FRMPD2: variants seen among roughly 807,000 people sequenced by gnomAD.
FRMPD2 encodes FERM and PDZ domain-containing protein 2.
A neutral mutation model predicts 140.1 loss-of-function variants in FRMPD2; 96 were observed. The ratio of observed to expected loss-of-function variants is 0.69; its 90% CI spans 0.58 to 0.81. The LOEUF is 0.81. Ranked by LOEUF, FRMPD2 falls within the 40% of genes least tolerant of loss-of-function variation. The pLI is 0.00. For synonymous variants in FRMPD2, 449 were observed against 547.6 expected, an observed-to-expected ratio of 0.82 and a Z score of 2.52; for missense variants, 1,240 against 1,447.4, an observed-to-expected ratio of 0.86 and a Z score of 2.32.
chr10:48,182,352 G>A (rs1019436193), intron 20 of FRMPD2, among the ~76,000 whole-genome samples: 7 of 152,184 alleles, frequency 4.6e-5, no homozygotes, highest in Non-Finnish European at 7.4e-5. Flanking sequence ...AAACCATGCT[G>A]CAACTGGTGT....
At position 48,240,409 on chromosome 10, in the gene FRMPD2, G is replaced by A; in HGVS notation, c.651C>T (p.Ser217=). 6.2e-7 allele frequency: 1 copy of A among 1,613,462 alleles called. No individual in the cohort carries two copies. Among genetic ancestry groups the A allele is most frequent in the Non-Finnish European group, 8.5e-7 (1 of 1,180,042 alleles). ...YLLRKRLRGT[S]SESPAAQAPE... ...GGGCCTGTGCCGCTGGGCTCTCGCT[G>A]CTTGTCCCACGCAGCCTCTTCCTGA... The change falls in exon 6 of 29, where the codon AGC becomes AGT. Residue 217 remains serine, a synonymous_variant. Coordinates refer to ENST00000374201, the MANE Select transcript of FRMPD2 (RefSeq NM_001018071.4).
At chr10:48,168,147 C>T (rs1390918879) in intron 27 of FRMPD2, among the ~76,000 whole-genome samples, 9 of 143,024 alleles carry the variant, frequency 6.3e-5, no homozygotes, top group Non-Finnish European at 1.2e-4. Context: ...GGTAAAAATC[C>T]CTATTTTCCT....
intron 15 of FRMPD2, among the ~76,000 whole-genome samples, chr10:48,197,865 A>G (rs1838989067): frequency 6.6e-6 from 1 of 152,170 alleles, no homozygotes; most frequent in African/African-American, 2.4e-5. Context: ...GGCTAGGCCC[A>G]CCACCAAGCA....
chr10:48,251,802 C>A (rs954160559), intron 1 of FRMPD2, 111 bp from the exon 2 acceptor site: 6 of 1,292,256 alleles, frequency 4.6e-6, no homozygotes, highest in African/African-American at 4.4e-5. Context: ...TACTGCACAC[C>A]GGCACTGTGT....
chr10:48,201,210 A>C lies in FRMPD2; in HGVS notation c.1954+18T>G, dbSNP rs929675291. ...CAAACTTGTCAAAGTGTATATGGAGAATACAGCTTCTACTCACCAAATAAA... is the reference window on the plus strand; with the variant it reads ...CAAACTTGTCAAAGTGTATATGGAGCATACAGCTTCTACTCACCAAATAAA... On this transcript the variant is annotated intron_variant, in intron 15 of 28. Transcript: ENST00000374201. The C allele has an allele frequency of 1.9e-6, 3 of 1,581,860 alleles. No homozygotes were observed. The highest frequency in any genetic ancestry group is 3.4e-4 in the Middle Eastern group (2 of 5,914).
chr10:48,242,762 C>G (rs1210726005), intron 4 of FRMPD2, among the ~76,000 whole-genome samples: 1 of 152,232 alleles, frequency 6.6e-6, no homozygotes, highest in Non-Finnish European at 1.5e-5. Flanking sequence ...CTCACTTGGC[C>G]TTTCCCCTGG....
intron 12 of FRMPD2, among the ~76,000 whole-genome samples, chr10:48,217,180 T>C (rs1471803965): frequency 6.6e-6 from 1 of 152,240 alleles, no homozygotes; most frequent in Non-Finnish European, 1.5e-5. Context: ...CTGTAGTGTC[T>C]TCCAGTCCGG....
chr10:48,205,724 G>C (rs1839185871), intron 14 of FRMPD2, among the ~76,000 whole-genome samples: 1 of 152,046 alleles, frequency 6.6e-6, no homozygotes, highest in Non-Finnish European at 1.5e-5. Flanking sequence ...CAGACCACTT[G>C]AATAAACTCA....
At chr10:48,174,110 C>T (rs1554791906) in intron 24 of FRMPD2, among the ~76,000 whole-genome samples, 4 of 152,168 alleles carry the variant, frequency 2.6e-5, no homozygotes, top group East Asian at 3.9e-4. Context: ...ACCAGAAAAC[C>T]GCTTTGGGAA....
chr10:48,199,713 A>G (rs966728505), intron 15 of FRMPD2: 2 of 152,206 alleles, frequency 1.3e-5, no homozygotes, highest in African/African-American at 4.8e-5. Context: ...ATTAAGAGTG[A>G]TACAGCAGAC....
intron 1 of FRMPD2, among the ~76,000 whole-genome samples, chr10:48,272,065 G>A (rs1387874996): frequency 6.6e-6 from 1 of 152,210 alleles, no homozygotes; most frequent in Non-Finnish European, 1.5e-5. Flanking sequence ...ATTGTCCTGG[G>A]CTGCACACCG....
chr10:48,207,021 T>C, intron 13 of FRMPD2, 88 bp from the exon 14 acceptor site: 11 of 1,117,882 alleles, frequency 9.8e-6, no homozygotes, highest in Non-Finnish European at 8.8e-6. Flanking sequence ...CAAAACACAC[T>C]GATAGGCGTT....
chr10:48,204,603 TTAA>T (rs746229498), intron 14 of FRMPD2, among the ~76,000 whole-genome samples: 11 of 152,252 alleles, frequency 7.2e-5, no homozygotes, highest in Non-Finnish European at 7.3e-5. Flanking sequence ...TGTCAGGAAG[TTAA>T]TAAAAATATT....
intron 5 of FRMPD2, 142 bp downstream of exon 5, chr10:48,242,019 C>T (rs980990260): frequency 2.6e-5 from 15 of 586,434 alleles, no homozygotes; most frequent in African/African-American, 1.3e-4. Context: ...CGAGTGGCAA[C>T]GGAGCACTTG....
rs765599878 is a variant in FRMPD2, at chr10:48,201,241, G to T, written c.1941C>A (p.Ser647=). 1.2e-6 allele frequency: 2 copies of T among 1,606,088 alleles called. No individual in the cohort carries two copies. Among genetic ancestry groups the T allele is most frequent in the Non-Finnish European group, 1.7e-6 (2 of 1,176,030 alleles). Residue 647 remains serine, a synonymous_variant, in exon 15 of 29, where the codon TCC becomes TCA. Coordinates refer to ENST00000374201, the MANE Select transcript of FRMPD2 (RefSeq NM_001018071.4). ...GCTTCTACTCACCAAATAAAACATGGGAAGGCTGCCCAGAGCCCATCTGTG... is the reference window on the plus strand; with the variant it reads ...GCTTCTACTCACCAAATAAAACATGTGAAGGCTGCCCAGAGCCCATCTGTG... ...FNAQMGSGQP[S]HVLFDHDKFV...
intron 10 of FRMPD2, among the ~76,000 whole-genome samples, chr10:48,227,584 G>A (rs1249477206): frequency 6.6e-6 from 1 of 152,146 alleles, no homozygotes; most frequent in East Asian, 1.9e-4. Flanking sequence ...CGCTCTTTTT[G>A]TGGAAGCCTC....
intron 11 of FRMPD2, among the ~76,000 whole-genome samples, chr10:48,222,803 C>G (rs535667434): frequency 2.0e-3 from 298 of 152,248 alleles, no homozygotes; most frequent in African/African-American, 6.8e-3. Context: ...TCCTCCAACC[C>G]TCATGACTGG....
At chr10:48,222,033 G>A (rs1455011417) in intron 12 of FRMPD2, among the ~76,000 whole-genome samples, 1 of 150,668 alleles carries the variant, frequency 6.6e-6, no homozygotes, top group African/African-American at 2.4e-5. Context: ...TAGATGGATG[G>A]ATATATGAAT....
intron 15 of FRMPD2, among the ~76,000 whole-genome samples, chr10:48,198,184 A>G (rs1449253841): frequency 6.6e-6 from 1 of 152,216 alleles, no homozygotes; most frequent in African/African-American, 2.4e-5. Flanking sequence ...TAAGTTTAAT[A>G]AATATCAAAA....
Sources: gnomAD v4.1 joint callset for allele counts (sites outside exome capture counted in the v4.1 genomes callset) on GRCh38, gnomAD v4.1.1 for gene constraint, MANE v1.5 for transcripts, NCBI Gene and HGNC (gene_info 2026-07-23, HGNC 2026-07-21) for gene names.